Variants in ANKRD44 observed in about 807,000 individuals in gnomAD.
The protein encoded by ANKRD44 is serine/threonine-protein phosphatase 6 regulatory ankyrin repeat subunit B.
In ANKRD44, 35 loss-of-function variants were observed where a neutral mutation model predicts 116.0. That is an observed-to-expected ratio of 0.30 (90% CI 0.23 to 0.40). The LOEUF (loss-of-function observed/expected upper bound fraction) is 0.40. Among genes scored for constraint, ANKRD44 ranks in the 10% least tolerant of loss-of-function variants. The pLI, the probability that ANKRD44 is intolerant of heterozygous loss-of-function variation, is 1.00. For synonymous variants in ANKRD44, 435 were observed against 461.8 expected (o/e 0.94, Z 0.74); for missense variants, 1,014 against 1,242.6 (o/e 0.82, Z 2.77).
chr2:197,158,984 AACACAC>A (rs5837527), intron 2 of ANKRD44, among the ~76,000 whole-genome samples: 3 of 148,370 alleles, frequency 2.0e-5, no homozygotes, highest in Non-Finnish European at 3.0e-5. Flanking sequence ...AGAGCAAACA[AACACAC>A]ACACACACAC....
chr2:196,998,761 G>T, intron 24 of ANKRD44, 146 bp downstream of exon 24: 1 of 1,102,014 alleles, frequency 9.1e-7, no homozygotes, highest in Non-Finnish European at 1.3e-6. Flanking sequence ...AAAGACGCTT[G>T]AGCAGGTAGA....
chr2:197,075,534 A>G lies in ANKRD44; in HGVS notation c.1650+3169T>C, dbSNP rs143129173. Among the ~76,000 whole-genome samples the G allele has an allele frequency of 1.6e-4, 24 of 152,324 alleles. No individual in the cohort carries two copies. The East Asian group carries it at 3.1e-3, about 20-fold the overall frequency. ...GATTTTTGCTTGCACACATAGTACGAACGTCTTTGATCAAGACCAGCTGAG... is the reference window on the plus strand; with the variant it reads ...GATTTTTGCTTGCACACATAGTACGGACGTCTTTGATCAAGACCAGCTGAG... On this transcript the variant is annotated intron_variant, in intron 16 of 27. Transcript: ENST00000282272.
At chr2:197,099,743 C>T (rs889011343) in intron 10 of ANKRD44, 73 bp downstream of exon 10, 14 of 1,584,268 alleles carry the variant, frequency 8.8e-6, no homozygotes, top group Non-Finnish European at 7.7e-6. Context: ...GAACTATCTA[C>T]TGCACGGAAG....
intron 1 of ANKRD44, among the ~76,000 whole-genome samples, chr2:197,222,765 A>C (rs1455069369): frequency 6.6e-6 from 1 of 152,072 alleles, no homozygotes; most frequent in Non-Finnish European, 1.5e-5. Context: ...TGATAAAACT[A>C]CAACAGAGTT....
chr2:197,114,392 G>A (rs1438285793), intron 8 of ANKRD44, among the ~76,000 whole-genome samples: 1 of 152,048 alleles, frequency 6.6e-6, no homozygotes, highest in Non-Finnish European at 1.5e-5. Context: ...TATTGAGTTA[G>A]GCATAATCAA....
chr2:197,267,690 G>C (rs968771152), intron 1 of ANKRD44, among the ~76,000 whole-genome samples: 1 of 152,222 alleles, frequency 6.6e-6, no homozygotes, highest in Admixed American at 6.5e-5. Flanking sequence ...AATGGCTCCA[G>C]ATAATGCTGG....
At chr2:197,222,808 T>TA (rs1553536130) in intron 1 of ANKRD44, among the ~76,000 whole-genome samples, 4 of 136,262 alleles carry the variant, frequency 2.9e-5, no homozygotes, top group Non-Finnish European at 6.2e-5. Flanking sequence ...TTTATTTATT[T>TA]TTTATTTATT....
intron 13 of ANKRD44, 86 bp from the exon 14 acceptor site, chr2:197,083,595 G>T (rs2077848587): frequency 1.4e-6 from 2 of 1,463,078 alleles, no homozygotes; most frequent in Admixed American, 4.2e-5. Context: ...AGTATGCCTA[G>T]GGCATGGAAA....
chr2:197,281,020 G>C (rs2083248580), intron 1 of ANKRD44, among the ~76,000 whole-genome samples: 1 of 151,784 alleles, frequency 6.6e-6, no homozygotes, highest in South Asian at 2.1e-4. Flanking sequence ...CTTAAGCTCT[G>C]CTTTTTTTTT....
chr2:197,029,561 C>T, intron 16 of ANKRD44: 1 of 474,562 alleles, frequency 2.1e-6, no homozygotes, highest in Non-Finnish European at 4.2e-6. Flanking sequence ...TCCCACATGC[C>T]CACCAAGAGC....
intron 3 of ANKRD44, among the ~76,000 whole-genome samples, chr2:197,137,427 G>A (rs1047793863): frequency 6.6e-6 from 1 of 152,152 alleles, no homozygotes; most frequent in African/African-American, 2.4e-5. Context: ...TCAGGACAAG[G>A]GCTGAGAAAG....
intron 4 of ANKRD44, among the ~76,000 whole-genome samples, chr2:197,128,062 C>G (rs2079017187): frequency 6.6e-6 from 1 of 152,216 alleles, no homozygotes; most frequent in Non-Finnish European, 1.5e-5. Flanking sequence ...TTTATCCAGT[C>G]TATCATTGAT....
chr2:197,064,510 T>A (rs764213421), intron 16 of ANKRD44, among the ~76,000 whole-genome samples: 1 of 152,110 alleles, frequency 6.6e-6, no homozygotes, highest in Non-Finnish European at 1.5e-5. Context: ...GACTGGCAAA[T>A]TGGATAAAGA....
intron 21 of ANKRD44, among the ~76,000 whole-genome samples, chr2:196,979,229 T>A (rs1367089189): frequency 6.6e-6 from 1 of 151,794 alleles, no homozygotes; most frequent in African/African-American, 2.4e-5. Flanking sequence ...ACCCCGTCTC[T>A]ACTAAAAATA....
rs114080755 is a variant in ANKRD44 at position 197,209,569 on chromosome 2, C to T, written c.28-22463G>A. On this transcript the variant is annotated intron_variant, in intron 1 of 27. Coordinates refer to ENST00000282272, the MANE Select transcript of ANKRD44 (RefSeq NM_001195144.2). ...TTCCTCAGCACTCAAGCAGTCCAGG[C>T]AATCATTACCAGTCAATAACAGCTG... Among the ~76,000 whole-genome samples the T allele has an allele frequency of 2.7e-3, 418 of 152,340 alleles. 2 individuals carry two copies. The highest frequency in any genetic ancestry group is 7.5e-3 in the African/African-American group (313 of 41,564).
At chr2:197,142,414 G>C (rs1391978615) in intron 3 of ANKRD44, among the ~76,000 whole-genome samples, 2 of 152,118 alleles carry the variant, frequency 1.3e-5, no homozygotes, top group African/African-American at 2.4e-5. Flanking sequence ...ATAAAAATAT[G>C]ATTATAATAT....
chr2:197,124,676 C>G lies in ANKRD44; in HGVS notation c.550+705G>C, dbSNP rs150846729. Among the ~76,000 whole-genome samples, 367 of 152,268 alleles carry G rather than the reference C, an allele frequency of 2.4e-3. 2 individuals carry two copies. The highest frequency in any genetic ancestry group is 8.0e-3 in the African/African-American group (332 of 41,554). ...GTTTACAACTTGGTGCTGATAGAATCCTGTCTATTTTTCTAATGGCAGGAT... is the reference window on the plus strand; with the variant it reads ...GTTTACAACTTGGTGCTGATAGAATGCTGTCTATTTTTCTAATGGCAGGAT... On this transcript the variant is annotated intron_variant, in intron 6 of 27. Coordinates refer to ENST00000282272, the MANE Select transcript of ANKRD44 (RefSeq NM_001195144.2).
intron 1 of ANKRD44, among the ~76,000 whole-genome samples, chr2:197,275,835 T>G (rs2083065318): frequency 6.6e-6 from 1 of 152,140 alleles, no homozygotes; most frequent in African/African-American, 2.4e-5. Context: ...ATGATTTTCA[T>G]AAAAGAGGGG....
chr2:197,001,024 C>T (rs150700128), intron 22 of ANKRD44, among the ~76,000 whole-genome samples: 7 of 152,308 alleles, frequency 4.6e-5, no homozygotes, highest in African/African-American at 9.6e-5. Flanking sequence ...GGCGACAGAG[C>T]GAGACTCCGT....
Sources: gnomAD v4.1 joint callset for allele counts (sites outside exome capture counted in the v4.1 genomes callset) on GRCh38, gnomAD v4.1.1 for gene constraint, MANE v1.5 for transcripts, NCBI Gene and HGNC (gene_info 2026-07-23, HGNC 2026-07-21) for gene names.